KCNIP4: variants seen among roughly 807,000 people sequenced by gnomAD.
The protein encoded by KCNIP4 is potassium voltage-gated channel interacting protein 4, also known as Kv channel-interacting protein 4.
KCNIP4 carries 12 observed loss-of-function variants against 34.0 expected under a neutral mutation model. The ratio of observed to expected loss-of-function variants is 0.35; its 90% CI spans 0.23 to 0.57. The LOEUF (loss-of-function observed/expected upper bound fraction) is 0.57, where lower values mean the gene tolerates loss of function less well. Among genes scored for constraint, KCNIP4 ranks in the 20% least tolerant of loss-of-function variants. The probability of loss-of-function intolerance (pLI) is 0.83; values close to 1 mark genes in which losing one functional copy is unlikely to be tolerated. For missense variants in KCNIP4, 238 were observed against 311.7 expected, an observed-to-expected ratio of 0.76 and a Z score of 1.78; for synonymous variants, 124 against 102.2, an observed-to-expected ratio of 1.21 and a Z score of -1.29.
At chr4:21,706,766 G>A (rs1325050221) in intron 1 of KCNIP4, among the ~76,000 whole-genome samples, 6 of 152,098 alleles carry the variant, frequency 3.9e-5, no homozygotes, top group Non-Finnish European at 5.9e-5. Flanking sequence ...GTATCTCAGT[G>A]GGAACAGACA....
intron 1 of KCNIP4, among the ~76,000 whole-genome samples, chr4:21,608,097 T>C (rs919158755): frequency 6.6e-6 from 1 of 152,198 alleles, no homozygotes; most frequent in Non-Finnish European, 1.5e-5. Flanking sequence ...TGTTTTTTCA[T>C]GATGGTCCTT....
rs191381423 is a variant in KCNIP4 at position 21,763,330 on chromosome 4, C to T, written c.61+185241G>A. On this transcript the variant is annotated intron_variant, in intron 1 of 8. Coordinates refer to ENST00000382152, the MANE Select transcript of KCNIP4 (RefSeq NM_025221.6). The stretch of plus-strand genomic sequence containing the variant: ...TATGGTTATATACATAGAGACAAAA[C>T]GGGCAACTAGCTTAGCCTAGTTATA... 2.4e-4 allele frequency among the ~76,000 whole-genome samples: 36 copies of T among 152,220 alleles called. No individual in the cohort carries two copies. In the East Asian group the frequency reaches 3.7e-3, roughly 16 times the overall value.
At chr4:21,125,704 A>G (rs1233054668) in intron 1 of KCNIP4, among the ~76,000 whole-genome samples, 3 of 152,136 alleles carry the variant, frequency 2.0e-5, no homozygotes, top group Non-Finnish European at 4.4e-5. Flanking sequence ...TGGACTCTGA[A>G]TGTCTCTGTA....
At chr4:21,019,010 G>A (rs1165005569) in intron 1 of KCNIP4, among the ~76,000 whole-genome samples, 7 of 152,128 alleles carry the variant, frequency 4.6e-5, no homozygotes, top group Non-Finnish European at 1.0e-4. Flanking sequence ...CACTCTTCTA[G>A]CAGCTAAAAA....
At chr4:21,285,203 C>A (rs1763046834) in intron 1 of KCNIP4, among the ~76,000 whole-genome samples, 1 of 152,102 alleles carries the variant, frequency 6.6e-6, no homozygotes, top group Admixed American at 6.6e-5. Context: ...TTTTTAATTA[C>A]ATGCATTATT....
At chr4:21,025,560 T>TG (rs1560656628) in intron 1 of KCNIP4, among the ~76,000 whole-genome samples, 5 of 125,558 alleles carry the variant, frequency 4.0e-5, no homozygotes, top group African/African-American at 9.7e-5. Context: ...TTTTTTTTTT[T>TG]TTTTTTTTTT....
At chr4:21,203,263 CA>C (rs1305932544) in intron 1 of KCNIP4, among the ~76,000 whole-genome samples, 2 of 152,092 alleles carry the variant, frequency 1.3e-5, no homozygotes, top group Non-Finnish European at 2.9e-5. Context: ...AACTGCACAG[CA>C]GGAAGAGACT....
chr4:21,253,052 G>C (rs144444474), intron 1 of KCNIP4, among the ~76,000 whole-genome samples: 2 of 152,166 alleles, frequency 1.3e-5, no homozygotes, highest in Non-Finnish European at 2.9e-5. Context: ...GAAGTACAAA[G>C]CCTCACATCA....
chr4:20,813,068 C>T (rs755468368), intron 3 of KCNIP4, among the ~76,000 whole-genome samples: 3 of 151,994 alleles, frequency 2.0e-5, no homozygotes, highest in African/African-American at 7.3e-5. Flanking sequence ...AATTGGTCTC[C>T]ATCTTTTTAT....
At chr4:20,779,169 G>T (rs139038892) in intron 3 of KCNIP4, among the ~76,000 whole-genome samples, 1 of 152,224 alleles carries the variant, frequency 6.6e-6, no homozygotes, top group East Asian at 1.9e-4. Flanking sequence ...TTCCTTCTAG[G>T]AGTTAATTAA....
chr4:21,764,181 T>A (rs901909385), intron 1 of KCNIP4, among the ~76,000 whole-genome samples: 2 of 152,186 alleles, frequency 1.3e-5, no homozygotes, highest in South Asian at 4.1e-4. Flanking sequence ...AGATAACAAG[T>A]AAATGATTTC....
intron 1 of KCNIP4, among the ~76,000 whole-genome samples, chr4:21,781,114 C>A (rs1719547449): frequency 6.6e-6 from 1 of 152,104 alleles, no homozygotes; most frequent in African/African-American, 2.4e-5. Flanking sequence ...GAATTATAAT[C>A]CCCACATGTT....
At chr4:21,351,278 C>T (rs147980031) in intron 1 of KCNIP4, among the ~76,000 whole-genome samples, 79 of 152,162 alleles carry the variant, frequency 5.2e-4, no homozygotes, top group African/African-American at 1.7e-3. Flanking sequence ...CCCCACATGT[C>T]GTAGGAGGAA....
intron 1 of KCNIP4, among the ~76,000 whole-genome samples, chr4:21,564,136 A>G (rs1488651275): frequency 6.6e-6 from 1 of 152,150 alleles, no homozygotes; most frequent in South Asian, 2.1e-4. Context: ...TCTCCCCTAC[A>G]TCCTGCTCTA....
At chr4:20,992,951 C>T (rs1178229838) in intron 1 of KCNIP4, among the ~76,000 whole-genome samples, 1 of 139,692 alleles carries the variant, frequency 7.2e-6, no homozygotes, top group Non-Finnish European at 1.5e-5. Context: ...TCACTTGAAC[C>T]TGGGGAGTGG....
intron 1 of KCNIP4, among the ~76,000 whole-genome samples, chr4:21,218,039 G>C (rs1323319636): frequency 6.7e-6 from 1 of 149,754 alleles, no homozygotes; most frequent in Non-Finnish European, 1.5e-5. Context: ...TTTTTAGACG[G>C]AGTTTCCCTG....
At chr4:21,875,930 A>T (rs964914523) in intron 1 of KCNIP4, among the ~76,000 whole-genome samples, 1 of 152,312 alleles carries the variant, frequency 6.6e-6, no homozygotes, top group Admixed American at 6.5e-5. Flanking sequence ...CAGGACAAGT[A>T]AAATACATTC....
intron 1 of KCNIP4, among the ~76,000 whole-genome samples, chr4:20,975,218 G>A (rs1431453183): frequency 6.6e-6 from 1 of 152,042 alleles, no homozygotes; most frequent in East Asian, 1.9e-4. Flanking sequence ...TAGACTTAAG[G>A]TGATTTTATT....
intron 1 of KCNIP4, among the ~76,000 whole-genome samples, chr4:21,086,474 G>T (rs933037403): frequency 6.6e-6 from 1 of 152,134 alleles, no homozygotes; most frequent in Non-Finnish European, 1.5e-5. Flanking sequence ...CAACAGTAAA[G>T]CTGTAATACA....
Sources: allele counts gnomAD v4.1 joint callset (sites outside exome capture counted in the v4.1 genomes callset), GRCh38; gene constraint gnomAD v4.1.1; transcripts MANE v1.5; gene names NCBI Gene and HGNC (gene_info 2026-07-23, HGNC 2026-07-21).